CSMD2: variants seen among roughly 807,000 people sequenced by gnomAD.
CSMD2 encodes the protein CUB and sushi domain-containing protein 2.
Under a neutral mutation model 398.5 loss-of-function variants are expected in CSMD2, and 130 were observed. That is an observed-to-expected ratio of 0.33 (90% CI 0.28 to 0.38). The LOEUF (loss-of-function observed/expected upper bound fraction) is 0.38, where lower values mean the gene tolerates loss of function less well. Ranked by LOEUF, CSMD2 falls within the 10% of genes least tolerant of loss-of-function variation. CSMD2 has a pLI of 1.00. For synonymous variants in CSMD2, 1,828 were observed against 1,908.5 expected, an observed-to-expected ratio of 0.96 and a Z score of 1.10; for missense variants, 3,829 against 4,764.9, an observed-to-expected ratio of 0.80 and a Z score of 5.78.
chr1:34,136,408 T>A (rs1015608117), intron 1 of CSMD2, among the ~76,000 whole-genome samples: 10 of 152,178 alleles, frequency 6.6e-5, no homozygotes, highest in South Asian at 2.1e-4. Flanking sequence ...AAATATTACA[T>A]GTGAGTGTGA....
chr1:33,909,918 A>G (rs1207425740), intron 5 of CSMD2, among the ~76,000 whole-genome samples: 2 of 152,100 alleles, frequency 1.3e-5, no homozygotes, highest in Non-Finnish European at 2.9e-5. Flanking sequence ...GGAGAGACCA[A>G]TGGGCATTGC....
intron 13 of CSMD2, among the ~76,000 whole-genome samples, chr1:33,766,160 G>A (rs561891972): frequency 1.3e-5 from 2 of 152,102 alleles, no homozygotes; most frequent in Non-Finnish European, 2.9e-5. Context: ...ACAAACCCAA[G>A]TACCCAGTCC....
intron 13 of CSMD2, among the ~76,000 whole-genome samples, chr1:33,753,096 G>C (rs1648484920): frequency 6.6e-6 from 1 of 152,198 alleles, no homozygotes; most frequent in Admixed American, 6.5e-5. Flanking sequence ...TTTGCAACCT[G>C]ACCCTGTGGT....
chr1:33,780,039 G>A (rs775668540), intron 12 of CSMD2, among the ~76,000 whole-genome samples: 16 of 152,212 alleles, frequency 1.1e-4, no homozygotes, highest in Admixed American at 2.0e-4. Context: ...AGAAGAGGCC[G>A]GAGAGATGGT....
chr1:33,828,903 C>A (rs1310871796), intron 6 of CSMD2, among the ~76,000 whole-genome samples: 1 of 152,212 alleles, frequency 6.6e-6, no homozygotes, highest in Non-Finnish European at 1.5e-5. Context: ...TGTTCTTCCT[C>A]TTTTACTTCC....
chr1:33,771,445 G>A (rs1296600471), intron 13 of CSMD2, among the ~76,000 whole-genome samples: 4 of 152,262 alleles, frequency 2.6e-5, no homozygotes, highest in South Asian at 2.1e-4. Flanking sequence ...ATAAGGGTGA[G>A]TTGTTCAATG....
Position 33,541,133 on chromosome 1 carries a change from T to C in CSMD2, c.9454A>G (p.Lys3152Glu). Residue 3152 changes from lysine (K) to glutamate (E), a missense_variant, in exon 59 of 71, where the codon AAA becomes GAA. By Grantham distance (56) the Lys-to-Glu change is moderately conservative (BLOSUM62 1). Coordinates refer to ENST00000373381, the MANE Select transcript of CSMD2 (RefSeq NM_001281956.2). Reference protein sequence around the residue: ...RTWNGTKPVCKALMCKPPPLI... With the variant: ...RTWNGTKPVCEALMCKPPPLI... ...ACATTTGCAGCCCCAGACACACCTTTGCAGACGGGCTTGGTTCCATTCCAT... is the reference window on the plus strand; with the variant it reads ...ACATTTGCAGCCCCAGACACACCTTCGCAGACGGGCTTGGTTCCATTCCAT... 2 of 1,613,970 alleles carry C rather than the reference T, an allele frequency of 1.2e-6. No homozygotes were observed. The highest frequency in any genetic ancestry group is 1.7e-6 in the Non-Finnish European group (2 of 1,179,908).
At chr1:33,711,930 G>C (rs1242048408) in intron 21 of CSMD2, among the ~76,000 whole-genome samples, 1 of 152,190 alleles carries the variant, frequency 6.6e-6, no homozygotes, top group African/African-American at 2.4e-5. Flanking sequence ...GGGGACAGGA[G>C]GGATAGAGGG....
At chr1:33,774,106 AT>A in intron 12 of CSMD2, among the ~76,000 whole-genome samples, 1 of 119,776 alleles carries the variant, frequency 8.3e-6, no homozygotes, top group African/African-American at 3.1e-5. Context: ...TATGGCTGGG[AT>A]TGTGTGTGTG....
intron 3 of CSMD2, among the ~76,000 whole-genome samples, chr1:33,980,573 C>T (rs1258784562): frequency 6.6e-6 from 1 of 152,156 alleles, no homozygotes; most frequent in Non-Finnish European, 1.5e-5. Context: ...ATTTTCTTCG[C>T]TTGTGCCTTT....
Position 33,924,000 on chromosome 1 carries a change from C to T in CSMD2, c.713-5699G>A, listed in dbSNP as rs1336239973. On this transcript the variant is annotated intron_variant, in intron 4 of 70. Coordinates refer to ENST00000373381, the MANE Select transcript of CSMD2 (RefSeq NM_001281956.2). Reference sequence around the variant, plus strand: ...CTGTTAACCAACCTCTCTTCATGCCCTACATCCTCCAATCCTGGACACACA... The same window carrying T: ...CTGTTAACCAACCTCTCTTCATGCCTTACATCCTCCAATCCTGGACACACA... Among the ~76,000 whole-genome samples the T allele has an allele frequency of 3.3e-5, 5 of 152,228 alleles. No homozygotes were observed. In the East Asian group the frequency reaches 7.7e-4, roughly 23 times the overall value.
chr1:34,122,343 A>C (rs559843717), intron 1 of CSMD2, among the ~76,000 whole-genome samples: 1 of 152,014 alleles, frequency 6.6e-6, no homozygotes, highest in Non-Finnish European at 1.5e-5. Flanking sequence ...ATCTTTACCA[A>C]GCTACCCTCT....
intron 13 of CSMD2, among the ~76,000 whole-genome samples, chr1:33,749,236 C>A (rs1327486806): frequency 6.6e-6 from 1 of 151,732 alleles, no homozygotes; most frequent in Non-Finnish European, 1.5e-5. Context: ...GTAGCTGGGA[C>A]TACAGGCACC....
intron 10 of CSMD2, among the ~76,000 whole-genome samples, chr1:33,807,373 C>A (rs980114287): frequency 6.6e-6 from 1 of 152,160 alleles, no homozygotes; most frequent in Non-Finnish European, 1.5e-5. Context: ...AACAAACCTG[C>A]ACATGTACCC....
chr1:33,657,892 G>A (rs1215444938), intron 27 of CSMD2, 54 bp downstream of exon 27: 2 of 1,524,898 alleles, frequency 1.3e-6, no homozygotes, highest in African/African-American at 2.7e-5. Flanking sequence ...GAAGGTTCTG[G>A]AGCACACAAC....
At chr1:33,577,234 C>A (rs16835628) in intron 49 of CSMD2, 62 bp downstream of exon 49, 247,437 of 1,488,200 alleles carry the variant, frequency 0.17, 22,457 homozygotes, top group East Asian at 0.29. Context: ...AGTCCTGGGA[C>A]AAACCCAAGA....
At chr1:33,628,577 G>A (rs1289102524) in intron 32 of CSMD2, among the ~76,000 whole-genome samples, 1 of 151,196 alleles carries the variant, frequency 6.6e-6, no homozygotes, top group East Asian at 1.9e-4. Flanking sequence ...GCTGAGGCAG[G>A]AGAATCTCTT....
At chr1:33,571,286 T>C (rs961092333) in intron 51 of CSMD2, among the ~76,000 whole-genome samples, 6 of 152,220 alleles carry the variant, frequency 3.9e-5, no homozygotes, top group Non-Finnish European at 4.4e-5. Context: ...AATGAATTAG[T>C]GCATGCTCAT....
chr1:33,830,991 C>T (rs946966683), intron 6 of CSMD2, among the ~76,000 whole-genome samples: 1 of 152,134 alleles, frequency 6.6e-6, no homozygotes, highest in Non-Finnish European at 1.5e-5. Flanking sequence ...AACAAAGATT[C>T]CAAGAAATAT....
Sources: allele counts gnomAD v4.1 joint callset (sites outside exome capture counted in the v4.1 genomes callset), GRCh38; gene constraint gnomAD v4.1.1; transcripts MANE v1.5; gene names NCBI Gene and HGNC (gene_info 2026-07-23, HGNC 2026-07-21).